The following ZNF385D variants were observed in gnomAD, a reference collection of about 807,000 sequenced individuals.
The protein encoded by ZNF385D is zinc finger protein 659.
In ZNF385D, 15 loss-of-function variants were observed where a neutral mutation model predicts 35.8. That is an observed-to-expected ratio of 0.42 (90% CI 0.28 to 0.64). ZNF385D has a LOEUF of 0.64. Among genes scored for constraint, ZNF385D ranks in the 30% least tolerant of loss-of-function variants. The pLI is 0.23. For missense variants in ZNF385D, 474 were observed against 494.6 expected, an observed-to-expected ratio of 0.96 and a Z score of 0.39; for synonymous variants, 212 against 186.8, an observed-to-expected ratio of 1.13 and a Z score of -1.10.
chr3:21,443,132 G>A (rs1701953316), intron 4 of ZNF385D: 1 of 985,126 alleles, frequency 1.0e-6, no homozygotes, highest in Non-Finnish European at 1.2e-6. Flanking sequence ...ACCAAATGAG[G>A]CTGTGGAGAA....
intron 3 of ZNF385D, among the ~76,000 whole-genome samples, chr3:21,802,855 C>G (rs996626674): frequency 2.0e-5 from 3 of 152,086 alleles, no homozygotes; most frequent in African/African-American, 7.2e-5. Flanking sequence ...GCTACCAGGC[C>G]TAAACAGATG....
intron 4 of ZNF385D, among the ~76,000 whole-genome samples, chr3:21,485,696 G>A (rs1437362330): frequency 4.0e-5 from 6 of 151,798 alleles, no homozygotes; most frequent in Non-Finnish European, 5.9e-5. Context: ...ATAATAAATA[G>A]TAACAGTAAC....
At chr3:22,322,002 C>G (rs1228258437) in intron 2 of ZNF385D, among the ~76,000 whole-genome samples, 1 of 152,048 alleles carries the variant, frequency 6.6e-6, no homozygotes, top group East Asian at 1.9e-4. Context: ...AAAATGAGTT[C>G]TTTAGAAAAT....
chr3:22,179,385 T>A (rs771654008), intron 2 of ZNF385D, among the ~76,000 whole-genome samples: 1 of 152,282 alleles, frequency 6.6e-6, no homozygotes, highest in Non-Finnish European at 1.5e-5. Context: ...GGCTCTCTTG[T>A]GTGTCTGTTA....
intron 3 of ZNF385D, among the ~76,000 whole-genome samples, chr3:21,556,774 C>T (rs2062756199): frequency 6.6e-6 from 1 of 152,144 alleles, no homozygotes; most frequent in Admixed American, 6.5e-5. Flanking sequence ...GGCAGTATGG[C>T]CATTTTCACG....
rs183968561 is a variant in ZNF385D, at chr3:21,725,821, A to T, written c.22+25074T>A. ...ATAGAAAAAGACAGAATCCTCCCTA[A>T]CTCATTTTATGAGGCCAGCATCATC... On this transcript the variant is annotated intron_variant, in intron 1 of 7. Transcript: ENST00000281523. 1.4e-4 allele frequency among the ~76,000 whole-genome samples: 21 copies of T among 152,146 alleles called. No homozygotes were observed. In the East Asian group the frequency reaches 1.9e-3, roughly 14 times the overall value.
At chr3:22,075,651 G>C (rs1700427955) in intron 3 of ZNF385D, among the ~76,000 whole-genome samples, 1 of 151,850 alleles carries the variant, frequency 6.6e-6, no homozygotes, top group Non-Finnish European at 1.5e-5. Context: ...GCTTATGCTT[G>C]AGTTCTCTTT....
intron 2 of ZNF385D, among the ~76,000 whole-genome samples, chr3:22,277,648 A>G (rs1701496833): frequency 2.0e-5 from 3 of 152,272 alleles, no homozygotes; most frequent in Admixed American, 2.0e-4. Context: ...AATATTATGG[A>G]AAATAAAAGT....
chr3:21,581,388 T>C (rs2063657836), intron 2 of ZNF385D, among the ~76,000 whole-genome samples: 1 of 152,174 alleles, frequency 6.6e-6, no homozygotes, highest in Non-Finnish European at 1.5e-5. Context: ...CAAGGCCTCA[T>C]AGCACCCTAT....
intron 1 of ZNF385D, among the ~76,000 whole-genome samples, chr3:21,669,042 T>G (rs941136740): frequency 6.6e-6 from 1 of 152,232 alleles, no homozygotes. Context: ...TTAATATTCT[T>G]AATTGAAGCA....
chr3:21,719,938 C>T (rs1326621505), intron 1 of ZNF385D, among the ~76,000 whole-genome samples: 1 of 152,148 alleles, frequency 6.6e-6, no homozygotes, highest in East Asian at 1.9e-4. Flanking sequence ...AGCTGTATGA[C>T]CTCAGATGAT....
At chr3:21,785,039 G>C (rs1014124768) in intron 3 of ZNF385D, among the ~76,000 whole-genome samples, 3 of 152,068 alleles carry the variant, frequency 2.0e-5, no homozygotes, top group Admixed American at 1.3e-4. Flanking sequence ...TAACATAGAT[G>C]CACACACACA....
intron 4 of ZNF385D, among the ~76,000 whole-genome samples, chr3:21,491,320 G>C (rs945512856): frequency 1.3e-5 from 2 of 151,880 alleles, no homozygotes; most frequent in African/African-American, 4.8e-5. Flanking sequence ...AAATCATAGG[G>C]AGGATGATCA....
At position 22,259,195 on chromosome 3, in the gene ZNF385D, T is replaced by C. The variant is rs1005102680; in HGVS notation, c.107-90160A>G. Among the ~76,000 whole-genome samples the C allele has an allele frequency of 3.3e-5, 5 of 151,940 alleles. No individual in the cohort carries two copies. The South Asian group carries it at 1.0e-3, about 31-fold the overall frequency. On this transcript the variant is annotated intron_variant, in intron 2 of 5. Transcript: ENST00000494108. ...CAGAGTTATACTGATTTCCCAAATA[T>C]TGATATATTTCATTATATATATAAA...
intron 3 of ZNF385D, among the ~76,000 whole-genome samples, chr3:21,518,220 AT>A (rs961207776): frequency 3.0e-4 from 46 of 151,512 alleles, no homozygotes; most frequent in African/African-American, 9.4e-4. Flanking sequence ...AAAATTATCG[AT>A]TTTTTTTTCC....
intron 2 of ZNF385D, among the ~76,000 whole-genome samples, chr3:22,306,258 T>A (rs1703209472): frequency 6.6e-6 from 1 of 152,132 alleles, no homozygotes; most frequent in Non-Finnish European, 1.5e-5. Flanking sequence ...CTTCTGGTTT[T>A]TCTGGCAAGT....
At chr3:21,648,029 A>C (rs2125206144) in intron 2 of ZNF385D, among the ~76,000 whole-genome samples, 1 of 152,324 alleles carries the variant, frequency 6.6e-6, no homozygotes, top group African/African-American at 2.4e-5. Context: ...GATGTTTTGC[A>C]TGCAAAGAAC....
At position 22,303,633 on chromosome 3, in the gene ZNF385D, T is replaced by C. The variant is rs1055447396; in HGVS notation, c.106+68817A>G. Among the ~76,000 whole-genome samples, 10 of 152,170 alleles carry C rather than the reference T, an allele frequency of 6.6e-5. No homozygotes were observed. The East Asian group carries it at 9.6e-4, about 15-fold the overall frequency. On this transcript the variant is annotated intron_variant, in intron 2 of 5. Transcript: ENST00000494108. ...CCATCAGTTTACCCACTAAACCATATTGCTATAATTAAAATCAAACCGGTG... is the reference window on the plus strand; with the variant it reads ...CCATCAGTTTACCCACTAAACCATACTGCTATAATTAAAATCAAACCGGTG...
At chr3:21,974,237 T>A (rs1703452842) in intron 3 of ZNF385D, among the ~76,000 whole-genome samples, 1 of 151,882 alleles carries the variant, frequency 6.6e-6, no homozygotes, top group Non-Finnish European at 1.5e-5. Flanking sequence ...TATAGACCAG[T>A]GGAACAGAAT....
Sources: allele counts gnomAD v4.1 joint callset (sites outside exome capture counted in the v4.1 genomes callset), GRCh38; gene constraint gnomAD v4.1.1; transcripts MANE v1.5; gene names NCBI Gene and HGNC (gene_info 2026-07-23, HGNC 2026-07-21).